CCDC102B: variants seen among roughly 807,000 people sequenced by gnomAD.
CCDC102B encodes the protein coiled-coil domain containing 102B, also known as coiled-coil domain-containing protein 102B.
A neutral mutation model predicts 57.4 loss-of-function variants in CCDC102B; 75 were observed. The observed-to-expected ratio is 1.31, with a 90% CI of 1.08 to 1.58. The LOEUF (loss-of-function observed/expected upper bound fraction) is 1.58, where lower values mean the gene tolerates loss of function less well. CCDC102B is among the 40% of genes most tolerant of loss of function. CCDC102B has a pLI of 0.00. For synonymous variants in CCDC102B, 206 were observed against 201.9 expected, an observed-to-expected ratio of 1.02 and a Z score of -0.17; for missense variants, 636 against 582.6, an observed-to-expected ratio of 1.09 and a Z score of -0.94.
At chr18:68,879,124 G>A (rs1326928595) in intron 5 of CCDC102B, among the ~76,000 whole-genome samples, 1 of 141,522 alleles carries the variant, frequency 7.1e-6, no homozygotes, top group Non-Finnish European at 1.5e-5. Context: ...CAGTGGGCTC[G>A]TGGTCTCGCT....
chr18:68,901,090 G>A (rs893478177), intron 6 of CCDC102B, among the ~76,000 whole-genome samples: 3 of 152,194 alleles, frequency 2.0e-5, no homozygotes, highest in East Asian at 3.9e-4. Flanking sequence ...AATCTTACCC[G>A]AGGAATGTGT....
Position 68,763,483 on chromosome 18 carries a change from T to TA in CCDC102B, c.-67+46897dup, listed in dbSNP as rs201654342. 5.3e-5 allele frequency among the ~76,000 whole-genome samples: 8 copies of TA among 151,990 alleles called. No homozygotes were observed. In the East Asian group the frequency reaches 7.7e-4, roughly 15 times the overall value. On this transcript the variant is annotated intron_variant, in intron 2 of 3. Coordinates refer to the CCDC102B transcript ENST00000578970. ...AAAGAGTCTTTGTATTCTAACAATG[T>TA]AAAAAAAATGCTTGCTCAATAATAG... is the stretch of plus-strand genomic sequence containing the variant.
chr18:68,835,200 G>A (rs2037314399), intron 1 of CCDC102B, among the ~76,000 whole-genome samples: 2 of 152,094 alleles, frequency 1.3e-5, no homozygotes, highest in Non-Finnish European at 2.9e-5. Flanking sequence ...ATTAATTTGT[G>A]TGTTGGTATT....
chr18:69,011,221 T>G, intron 7 of CCDC102B, 117 bp downstream of exon 7: 1 of 840,488 alleles, frequency 1.2e-6, no homozygotes, highest in Non-Finnish European at 1.8e-6. Context: ...TATTCATATC[T>G]TAATGACTGA....
downstream of CCDC102B, among the ~76,000 whole-genome samples, chr18:69,055,717 G>C (rs535273276): frequency 6.6e-6 from 1 of 152,130 alleles, no homozygotes; most frequent in East Asian, 1.9e-4. Context: ...GATCCTAAAC[G>C]CAAGTGGAAA....
chr18:69,051,931 A>T (rs922785591), intron 7 of CCDC102B, among the ~76,000 whole-genome samples: 1 of 151,712 alleles, frequency 6.6e-6, no homozygotes, highest in Non-Finnish European at 1.5e-5. Context: ...TGAAAAAAAA[A>T]TAGTGAAAAT....
At position 69,054,951 on chromosome 18, in the gene CCDC102B, C is replaced by CTT. The variant is rs1207698335; in HGVS notation, c.*817_*818dup. The CTT allele has an allele frequency of 6.1e-6, 6 of 983,776 alleles. No homozygotes were observed. The highest frequency in any genetic ancestry group is 6.0e-6 in the Non-Finnish European group (5 of 828,542). 60.9% of individuals were successfully genotyped at this position (983,776 alleles called of 1,614,324 possible). Reference sequence around the variant, plus strand: ...TGGTTATGTGAATATTTCTTTAAAACTTTTATGTACATTATAGTTTATTGC... The same window carrying CTT: ...TGGTTATGTGAATATTTCTTTAAAACTTTTTTATGTACATTATAGTTTATTGC... On this transcript the variant is annotated 3_prime_UTR_variant, in exon 8 of 8. Coordinates refer to ENST00000360242, the MANE Select transcript of CCDC102B (RefSeq NM_024781.3).
At chr18:69,026,537 C>T (rs998490069) in intron 7 of CCDC102B, among the ~76,000 whole-genome samples, 12 of 150,764 alleles carry the variant, frequency 8.0e-5, no homozygotes, top group African/African-American at 2.2e-4. Flanking sequence ...AAGCATAATA[C>T]GGCATTCAGA....
At chr18:68,913,659 G>GAAA (rs35793292) in intron 6 of CCDC102B, among the ~76,000 whole-genome samples, 58 of 141,940 alleles carry the variant, frequency 4.1e-4, no homozygotes, top group East Asian at 1.3e-3. Context: ...GGTCTCAAAA[G>GAAA]AAAAAAAAAA....
intron 3 of CCDC102B, 61 bp downstream of exon 3, chr18:68,838,987 A>C (rs1460597792): frequency 7.8e-7 from 1 of 1,289,544 alleles, no homozygotes; most frequent in Non-Finnish European, 1.1e-6. Context: ...TAAAATTGTT[A>C]ATACAGATAG....
At chr18:68,734,521 C>G (rs1006786432) in intron 2 of CCDC102B, among the ~76,000 whole-genome samples, 9 of 152,042 alleles carry the variant, frequency 5.9e-5, no homozygotes, top group South Asian at 2.1e-4. Flanking sequence ...TGTATTTAAA[C>G]CACAAATACC....
At chr18:68,829,506 G>A (rs2037056874) in intron 1 of CCDC102B, among the ~76,000 whole-genome samples, 1 of 151,936 alleles carries the variant, frequency 6.6e-6, no homozygotes, top group African/African-American at 2.4e-5. Flanking sequence ...AATATTATAT[G>A]TACTTTTTGA....
At chr18:68,940,896 T>A (rs2049363369) in intron 6 of CCDC102B, among the ~76,000 whole-genome samples, 1 of 151,818 alleles carries the variant, frequency 6.6e-6, no homozygotes, top group East Asian at 1.9e-4. Flanking sequence ...TCAAAAAAAG[T>A]AAACTAACCT....
chr18:68,758,703 CTT>C (rs201701357), intron 2 of CCDC102B, among the ~76,000 whole-genome samples: 7 of 142,902 alleles, frequency 4.9e-5, no homozygotes, highest in Non-Finnish European at 1.5e-5. Context: ...CTAGTCATTC[CTT>C]TTTTTTTTTT....
intron 5 of CCDC102B, among the ~76,000 whole-genome samples, chr18:68,886,087 G>C (rs559916892): frequency 6.6e-6 from 1 of 151,690 alleles, no homozygotes; most frequent in Admixed American, 6.6e-5. Flanking sequence ...GATGGAACAC[G>C]TGGCCGGGGG....
intron 6 of CCDC102B, among the ~76,000 whole-genome samples, chr18:69,007,825 CGGGGTGGA>C (rs564205418): frequency 3.8e-4 from 58 of 152,288 alleles, no homozygotes; most frequent in African/African-American, 1.3e-3. Context: ...GGCCTATGGC[CGGGGTGGA>C]ATTTGCGTTG....
chr18:69,010,380 A>G (rs1429125169), intron 6 of CCDC102B, among the ~76,000 whole-genome samples: 1 of 152,130 alleles, frequency 6.6e-6, no homozygotes, highest in Non-Finnish European at 1.5e-5. Flanking sequence ...AATTATAACA[A>G]GACTGATTTG....
chr18:68,788,538 G>T (rs1370405363), intron 2 of CCDC102B, among the ~76,000 whole-genome samples: 2 of 150,910 alleles, frequency 1.3e-5, no homozygotes, highest in Admixed American at 6.6e-5. Flanking sequence ...ATATATTTAG[G>T]ATAGTTAGCT....
chr18:69,050,419 A>C (rs1160593647), intron 7 of CCDC102B, among the ~76,000 whole-genome samples: 4 of 152,104 alleles, frequency 2.6e-5, no homozygotes, highest in African/African-American at 7.2e-5. Flanking sequence ...TTTAGATATT[A>C]AGTGCTCATT....
Sources: gnomAD v4.1 joint callset for allele counts (sites outside exome capture counted in the v4.1 genomes callset) on GRCh38, gnomAD v4.1.1 for gene constraint, MANE v1.5 for transcripts, NCBI Gene and HGNC (gene_info 2026-07-23, HGNC 2026-07-21) for gene names.